GAS7: variants seen among roughly 807,000 people sequenced by gnomAD.
The protein encoded by GAS7 is growth arrest-specific protein 7.
GAS7 carries 28 observed loss-of-function variants against 71.1 expected under a neutral mutation model. That is an observed-to-expected ratio of 0.39 (90% CI 0.29 to 0.54). The LOEUF is 0.54. Among genes scored for constraint, GAS7 ranks in the 20% least tolerant of loss-of-function variants. The pLI is 0.62. For synonymous variants in GAS7, 258 were observed against 245.8 expected (o/e 1.05, Z -0.46); for missense variants, 436 against 627.8 (o/e 0.69, Z 3.27).
chr17:9,923,019 C>T (rs924667619), intron 11 of GAS7, among the ~76,000 whole-genome samples: 1 of 152,196 alleles, frequency 6.6e-6, no homozygotes, highest in Non-Finnish European at 1.5e-5. Flanking sequence ...AGCGATTCTC[C>T]TGCTTTGGCC....
intron 1 of GAS7, among the ~76,000 whole-genome samples, chr17:10,086,412 G>T (rs1373094202): frequency 6.6e-6 from 1 of 152,148 alleles, no homozygotes; most frequent in African/African-American, 2.4e-5. Flanking sequence ...TGAAGGCCAG[G>T]ATTATGTCTC....
chr17:9,922,939 C>T (rs556870162), intron 11 of GAS7, among the ~76,000 whole-genome samples: 3 of 152,156 alleles, frequency 2.0e-5, no homozygotes, highest in Non-Finnish European at 4.4e-5. Flanking sequence ...GACAGAGTCT[C>T]ACTCTCTTGC....
chr17:9,998,482 C>A (rs1353627297), intron 2 of GAS7, among the ~76,000 whole-genome samples: 2 of 150,930 alleles, frequency 1.3e-5, no homozygotes, highest in Non-Finnish European at 2.9e-5. Flanking sequence ...GAGAAAGATG[C>A]ATGAAGAGAA....
chr17:10,135,333 G>T (rs1479256422), intron 1 of GAS7, among the ~76,000 whole-genome samples: 1 of 152,122 alleles, frequency 6.6e-6, no homozygotes, highest in Non-Finnish European at 1.5e-5. Context: ...CTCTGTTTTA[G>T]CTAGTCTTCA....
chr17:9,912,297 G>A lies in GAS7; in HGVS notation c.*4931C>T, dbSNP rs1040660906. The A allele has an allele frequency of 1.7e-5, 4 of 232,776 alleles. No homozygotes were observed. The highest frequency in any genetic ancestry group is 2.5e-5 in the Non-Finnish European group (3 of 117,814). 14.4% of individuals were successfully genotyped at this position (232,776 alleles called of 1,614,324 possible). On this transcript the variant is annotated 3_prime_UTR_variant, in exon 14 of 14. Coordinates refer to ENST00000432992, the MANE Select transcript of GAS7 (RefSeq NM_201433.2). Reference sequence around the variant, plus strand: ...TGAGAGCCAGACACAGCATGAACACGTGTACAGGGTACATCATTGGAAATG... The same window carrying A: ...TGAGAGCCAGACACAGCATGAACACATGTACAGGGTACATCATTGGAAATG...
chr17:10,098,034 A>C, intron 1 of GAS7, among the ~76,000 whole-genome samples: 1 of 122,948 alleles, frequency 8.1e-6, no homozygotes, highest in African/African-American at 3.9e-5. Flanking sequence ...ACAGAGCAAG[A>C]CTCCATCTCA....
intron 1 of GAS7, among the ~76,000 whole-genome samples, chr17:10,128,457 A>G (rs1490504691): frequency 7.0e-6 from 1 of 142,450 alleles, no homozygotes; most frequent in African/African-American, 2.4e-5. Flanking sequence ...CTGAGTATCA[A>G]TCCACAGATC....
chr17:9,930,188 G>C (rs2068159291), intron 9 of GAS7, among the ~76,000 whole-genome samples: 1 of 152,222 alleles, frequency 6.6e-6, no homozygotes, highest in Non-Finnish European at 1.5e-5. Context: ...ACTGTTTTAT[G>C]AAACGTTTGT....
intron 1 of GAS7, among the ~76,000 whole-genome samples, chr17:10,128,521 C>T (rs1164539190): frequency 6.6e-6 from 1 of 152,228 alleles, no homozygotes; most frequent in East Asian, 1.9e-4. Context: ...ACCCCCTTAA[C>T]TAGGCCAGAA....
rs2067561530 is a variant in GAS7 at position 9,915,572 on chromosome 17, T to C, written c.*1656A>G. 3 of 225,242 alleles carry C rather than the reference T, an allele frequency of 1.3e-5. No individual in the cohort carries two copies. The highest frequency in any genetic ancestry group is 5.7e-5 in the Admixed American group (1 of 17,510). The allele number at this position is 225,242 out of a possible 1,614,324, so 14.0% of individuals were successfully genotyped here. ...TTGGTTTACTTTAGTATATTAGGCA[T>C]TTTTCTAATGTGAACTATACGAAAG... is the stretch of plus-strand genomic sequence containing the variant. On this transcript the variant is annotated 3_prime_UTR_variant, in exon 14 of 14. Transcript: ENST00000432992.
intron 1 of GAS7, among the ~76,000 whole-genome samples, chr17:10,102,562 C>T (rs1441221215): frequency 6.6e-6 from 1 of 152,152 alleles, no homozygotes; most frequent in Non-Finnish European, 1.5e-5. Context: ...CTAGGGGCAG[C>T]CCTGCCTCCA....
intron 1 of GAS7, among the ~76,000 whole-genome samples, chr17:10,152,874 G>A (rs778052534): frequency 2.6e-5 from 4 of 151,948 alleles, no homozygotes; most frequent in Admixed American, 2.0e-4. Context: ...GGGTAGGTGC[G>A]TGGCCATTTC....
intron 5 of GAS7, among the ~76,000 whole-genome samples, chr17:9,957,755 T>A (rs2069306877): frequency 6.6e-6 from 1 of 151,950 alleles, no homozygotes; most frequent in Non-Finnish European, 1.5e-5. Flanking sequence ...ACTCCACCGG[T>A]AACAGGGAGG....
At chr17:10,169,332 T>A (rs2074318151) in intron 1 of GAS7, among the ~76,000 whole-genome samples, 1 of 152,214 alleles carries the variant, frequency 6.6e-6, no homozygotes. Flanking sequence ...TAAAACCTTG[T>A]AGACAGTACC....
At chr17:9,970,432 C>A (rs2069913577) in intron 3 of GAS7, among the ~76,000 whole-genome samples, 1 of 152,232 alleles carries the variant, frequency 6.6e-6, no homozygotes, top group South Asian at 2.1e-4. Flanking sequence ...GAGTTTGAGA[C>A]CAGCCTAGCC....
chr17:10,005,416 C>A (rs1166633263), intron 2 of GAS7, among the ~76,000 whole-genome samples: 1 of 151,834 alleles, frequency 6.6e-6, no homozygotes, highest in South Asian at 2.1e-4. Context: ...TGTAAAATCA[C>A]CAGGCACCCT....
intron 2 of GAS7, among the ~76,000 whole-genome samples, chr17:9,985,654 C>A (rs2152135641): frequency 6.6e-6 from 1 of 152,354 alleles, no homozygotes; most frequent in South Asian, 2.1e-4. Context: ...ATAGCTGAGT[C>A]CCTCTCAGGG....
intron 1 of GAS7, among the ~76,000 whole-genome samples, chr17:10,044,464 T>C (rs76500927): frequency 0.02 from 3,059 of 152,326 alleles, 99 homozygotes; most frequent in African/African-American, 0.068. Context: ...ATATGAATGG[T>C]GCCATACACA....
In GAS7 at chr17:9,996,788, G is replaced by A. The variant is rs577443335; in HGVS notation, c.305-14904C>T. Among the ~76,000 whole-genome samples, 14 of 151,796 alleles carry A rather than the reference G, an allele frequency of 9.2e-5. No individual in the cohort carries two copies. The East Asian group carries it at 1.2e-3, about 13-fold the overall frequency. On this transcript the variant is annotated intron_variant, in intron 2 of 13. Coordinates refer to ENST00000432992, the MANE Select transcript of GAS7 (RefSeq NM_201433.2). ...TGAGTAGCTGGGATTACAGACATGC[G>A]CCACCACACCCAGGTTCATTTTTAT...
Sources: allele counts gnomAD v4.1 joint callset (sites outside exome capture counted in the v4.1 genomes callset), GRCh38; gene constraint gnomAD v4.1.1; transcripts MANE v1.5; gene names NCBI Gene and HGNC (gene_info 2026-07-23, HGNC 2026-07-21).